MAMDC2: variants seen among roughly 807,000 people sequenced by gnomAD.
MAMDC2 encodes the protein MAM domain containing 2.
A neutral mutation model predicts 89.8 loss-of-function variants in MAMDC2; 57 were observed. The observed-to-expected ratio is 0.63, with a 90% CI of 0.51 to 0.79. The LOEUF (loss-of-function observed/expected upper bound fraction) is 0.79, where lower values mean the gene tolerates loss of function less well. Ranked by LOEUF, MAMDC2 falls within the 30% of genes least tolerant of loss-of-function variation. The probability of loss-of-function intolerance (pLI) is 0.00; values close to 1 mark genes in which losing one functional copy is unlikely to be tolerated. For missense variants in MAMDC2, 800 were observed against 820.6 expected, an observed-to-expected ratio of 0.97 and a Z score of 0.31; for synonymous variants, 313 against 293.4, an observed-to-expected ratio of 1.07 and a Z score of -0.68.
In MAMDC2 at chr9:70,100,026, A is replaced by G. The variant is rs576368784; in HGVS notation, c.149-8185A>G. Among the ~76,000 whole-genome samples the G allele has an allele frequency of 2.2e-3, 186 of 83,510 alleles. 1 individual carries two copies. Among genetic ancestry groups the G allele is most frequent in the African/African-American group, 5.4e-3 (178 of 33,240 alleles). The allele number at this position is 83,510 out of a possible 152,430, so 54.8% of individuals were successfully genotyped here. On this transcript the variant is annotated intron_variant, in intron 2 of 13. Coordinates refer to ENST00000377182, the MANE Select transcript of MAMDC2 (RefSeq NM_153267.5). The stretch of plus-strand genomic sequence containing the variant: ...AGAGAGAGAGAGAGAGAGAGAGAGC[A>G]CAAGCACAATGGGCAGCAGGTAGAA...
At chr9:70,123,835 C>T (rs1053995969) in intron 5 of MAMDC2, among the ~76,000 whole-genome samples, 5 of 152,242 alleles carry the variant, frequency 3.3e-5, no homozygotes, top group South Asian at 2.1e-4. Context: ...CACCAGAAGC[C>T]GGGAGAGAGG....
chr9:70,131,683 G>T, intron 7 of MAMDC2, 71 bp downstream of exon 7: 1 of 1,096,496 alleles, frequency 9.1e-7, no homozygotes, highest in Non-Finnish European at 1.3e-6. Context: ...GTCAGAACTT[G>T]TTTTAATTGC....
intron 2 of MAMDC2, among the ~76,000 whole-genome samples, chr9:70,048,360 C>T (rs1033931755): frequency 6.6e-6 from 1 of 152,128 alleles, no homozygotes; most frequent in East Asian, 1.9e-4. Context: ...CTGCAAACTT[C>T]GCCTCTCGGG....
rs1827142620 is a variant in MAMDC2 at position 70,061,196 on chromosome 9, C to T, written c.148+16499C>T. ...CCAATCACTGCCATTTATCATGGGCCCCTACAATTTTTGCACACTTTACCT... is the reference window on the plus strand; with the variant it reads ...CCAATCACTGCCATTTATCATGGGCTCCTACAATTTTTGCACACTTTACCT... On this transcript the variant is annotated intron_variant, in intron 2 of 13. Coordinates refer to ENST00000377182, the MANE Select transcript of MAMDC2 (RefSeq NM_153267.5). Among the ~76,000 whole-genome samples the T allele has an allele frequency of 3.3e-5, 5 of 152,142 alleles. No individual in the cohort carries two copies. In the South Asian group the frequency reaches 1.0e-3, roughly 32 times the overall value.
At chr9:70,148,665 C>G (rs951566261) in intron 9 of MAMDC2, among the ~76,000 whole-genome samples, 1 of 149,852 alleles carries the variant, frequency 6.7e-6, no homozygotes, top group Non-Finnish European at 1.5e-5. Context: ...GAGGCCGAGA[C>G]AGGCATATCA....
intron 7 of MAMDC2, among the ~76,000 whole-genome samples, chr9:70,133,424 G>A (rs1337858196): frequency 6.6e-6 from 1 of 152,190 alleles, no homozygotes; most frequent in Non-Finnish European, 1.5e-5. Flanking sequence ...TGTTAAGAGG[G>A]CTGTTGATCC....
intron 2 of MAMDC2, among the ~76,000 whole-genome samples, chr9:70,048,751 C>T (rs1826819421): frequency 6.6e-6 from 1 of 152,212 alleles, no homozygotes; most frequent in African/African-American, 2.4e-5. Flanking sequence ...CTGATGCCAG[C>T]TGTGGGGGCA....
intron 6 of MAMDC2, among the ~76,000 whole-genome samples, chr9:70,129,229 T>C (rs1655300166): frequency 6.6e-6 from 1 of 152,194 alleles, no homozygotes; most frequent in African/African-American, 2.4e-5. Context: ...CATGCCTTTC[T>C]CGTGATAGTG....
chr9:70,224,499 C>T (rs2033614965), intron 12 of MAMDC2, among the ~76,000 whole-genome samples: 1 of 152,142 alleles, frequency 6.6e-6, no homozygotes, highest in Non-Finnish European at 1.5e-5. Context: ...GGTACAATTC[C>T]AGAAGTCTGA....
intron 11 of MAMDC2, among the ~76,000 whole-genome samples, chr9:70,215,073 C>T (rs139959461): frequency 7.9e-5 from 12 of 152,042 alleles, no homozygotes; most frequent in African/African-American, 2.7e-4. Context: ...GTAAGAATAG[C>T]GAAGTAAAAA....
intron 9 of MAMDC2, among the ~76,000 whole-genome samples, chr9:70,148,562 T>A (rs1460703921): frequency 6.6e-6 from 1 of 150,380 alleles, no homozygotes; most frequent in African/African-American, 2.5e-5. Context: ...GATTGCCACA[T>A]TCTGACTTTT....
intron 8 of MAMDC2, among the ~76,000 whole-genome samples, chr9:70,142,120 T>C (rs1020957261): frequency 2.0e-5 from 3 of 151,800 alleles, no homozygotes; most frequent in African/African-American, 7.3e-5. Flanking sequence ...AAATGAAGAG[T>C]GAGCTCTGAG....
intron 7 of MAMDC2, among the ~76,000 whole-genome samples, chr9:70,134,205 G>A (rs143786012): frequency 6.6e-6 from 1 of 152,152 alleles, no homozygotes; most frequent in Non-Finnish European, 1.5e-5. Flanking sequence ...TGCGTTTAGA[G>A]TTAATCCAGT....
Position 70,225,835 on chromosome 9 carries a change from G to T in MAMDC2, c.1996+1G>T. The T allele has an allele frequency of 1.9e-6, 3 of 1,602,370 alleles. No individual in the cohort carries two copies. The highest frequency in any genetic ancestry group is 2.6e-6 in the Non-Finnish European group (3 of 1,170,366). On this transcript the variant is annotated splice_donor_variant, in intron 13 of 13. Transcript: ENST00000377182. LOFTEE classifies it high-confidence loss of function. ...AAATTTCAGGCAGGACCCTGTGGAGGTAATATTTTTTCCCAATCATATAAG... is the reference window on the plus strand; with the variant it reads ...AAATTTCAGGCAGGACCCTGTGGAGTTAATATTTTTTCCCAATCATATAAG...
intron 11 of MAMDC2, among the ~76,000 whole-genome samples, chr9:70,190,163 TA>T (rs1350802642): frequency 4.6e-5 from 7 of 152,174 alleles, no homozygotes; most frequent in African/African-American, 1.7e-4. Context: ...GTGTGTCTCA[TA>T]ATTTTTGCTG....
At chr9:70,070,172 TG>T (rs1563940260) in intron 2 of MAMDC2, among the ~76,000 whole-genome samples, 1 of 152,190 alleles carries the variant, frequency 6.6e-6, no homozygotes, top group African/African-American at 2.4e-5. Context: ...AGGCACAAAA[TG>T]GGCATGGGCC....
chr9:70,181,838 A>G (rs576388844), intron 11 of MAMDC2, among the ~76,000 whole-genome samples: 1 of 152,196 alleles, frequency 6.6e-6, no homozygotes, highest in East Asian at 1.9e-4. Flanking sequence ...CTATTTGAGT[A>G]CCTTTTATTT....
chr9:70,190,131 G>A (rs1483512358), intron 11 of MAMDC2, among the ~76,000 whole-genome samples: 1 of 151,984 alleles, frequency 6.6e-6, no homozygotes, highest in African/African-American at 2.4e-5. Flanking sequence ...CCTGTGTATG[G>A]GCAATAGTTT....
At chr9:70,133,434 C>T (rs1043987049) in intron 7 of MAMDC2, among the ~76,000 whole-genome samples, 1 of 152,176 alleles carries the variant, frequency 6.6e-6, no homozygotes, top group Non-Finnish European at 1.5e-5. Flanking sequence ...GCTGTTGATC[C>T]CTCAGTCTGC....
Sources: gnomAD v4.1 joint callset for allele counts (sites outside exome capture counted in the v4.1 genomes callset) on GRCh38, gnomAD v4.1.1 for gene constraint, MANE v1.5 for transcripts, NCBI Gene and HGNC (gene_info 2026-07-23, HGNC 2026-07-21) for gene names.